CDIN1: variants seen among roughly 807,000 people sequenced by gnomAD.
CDIN1 encodes CDAN1-interacting nuclease 1.
In CDIN1, 33 loss-of-function variants were observed where a neutral mutation model predicts 45.3. The observed-to-expected ratio is 0.73, with a 90% CI of 0.55 to 0.97. The LOEUF is 0.97. Among genes scored for constraint, CDIN1 ranks in the 50% least tolerant of loss-of-function variants. The pLI is 0.00. For synonymous variants in CDIN1, 118 were observed against 124.4 expected (o/e 0.95, Z 0.34); for missense variants, 303 against 339.4 (o/e 0.89, Z 0.84).
chr15:36,670,380 AT>A (rs2041407655), intron 5 of CDIN1, among the ~76,000 whole-genome samples: 1 of 152,158 alleles, frequency 6.6e-6, no homozygotes, highest in Admixed American at 6.6e-5. Flanking sequence ...ACTCTTGTTA[AT>A]AAAGAGGCCT....
chr15:36,679,752 C>A (rs2041785840), intron 5 of CDIN1, among the ~76,000 whole-genome samples: 1 of 152,132 alleles, frequency 6.6e-6, no homozygotes. Flanking sequence ...CCAACCTTTT[C>A]AAGGAGAAGC....
chr15:36,713,643 C>T (rs552556217), intron 10 of CDIN1, among the ~76,000 whole-genome samples: 1 of 152,256 alleles, frequency 6.6e-6, no homozygotes, highest in East Asian at 1.9e-4. Flanking sequence ...AGCACTTTCA[C>T]AGTGCCTGGC....
At chr15:36,589,511 CTTTTTTTT>C (rs5811918) in intron 1 of CDIN1, among the ~76,000 whole-genome samples, 2 of 145,388 alleles carry the variant, frequency 1.4e-5, no homozygotes, top group African/African-American at 2.5e-5. Flanking sequence ...TTTCTTTTTT[CTTTTTTTT>C]TTTTGAGACG....
At chr15:36,696,684 G>T (rs2042438002) in intron 7 of CDIN1, among the ~76,000 whole-genome samples, 1 of 152,088 alleles carries the variant, frequency 6.6e-6, no homozygotes, top group Non-Finnish European at 1.5e-5. Flanking sequence ...GGGGTTATAG[G>T]CGCAAGCCAC....
intron 5 of CDIN1, among the ~76,000 whole-genome samples, chr15:36,666,208 C>T (rs560375002): frequency 8.5e-5 from 13 of 152,148 alleles, no homozygotes; most frequent in Admixed American, 7.9e-4. Flanking sequence ...AGACACAAAG[C>T]CTTTTTTTTC....
At chr15:36,584,357 C>T (rs1050328461) in intron 1 of CDIN1, among the ~76,000 whole-genome samples, 15 of 152,190 alleles carry the variant, frequency 9.9e-5, no homozygotes, top group African/African-American at 3.6e-4. Flanking sequence ...ATTGCTTAAG[C>T]CTGGGAGTTT....
At chr15:36,733,498 T>C (rs550743092) in intron 10 of CDIN1, among the ~76,000 whole-genome samples, 10 of 152,230 alleles carry the variant, frequency 6.6e-5, no homozygotes, top group African/African-American at 2.4e-4. Context: ...GTTAGCCAAA[T>C]GTATTGTATT....
intron 10 of CDIN1, among the ~76,000 whole-genome samples, chr15:36,802,897 C>T (rs991320630): frequency 6.6e-6 from 1 of 152,140 alleles, no homozygotes; most frequent in Non-Finnish European, 1.5e-5. Context: ...ATTTTTAAAA[C>T]ATTCTTGGTG....
chr15:36,803,330 G>T (rs949244263), intron 10 of CDIN1, among the ~76,000 whole-genome samples: 2 of 151,160 alleles, frequency 1.3e-5, no homozygotes, highest in Non-Finnish European at 2.9e-5. Flanking sequence ...ACTGATCCTC[G>T]GCATCAGAAA....
intron 10 of CDIN1, among the ~76,000 whole-genome samples, chr15:36,773,317 A>G (rs1595580961): frequency 6.6e-6 from 1 of 152,232 alleles, no homozygotes; most frequent in Admixed American, 6.5e-5. Context: ...TCAACAGAAC[A>G]TTCTGCAATA....
chr15:36,651,062 CA>C (rs879490804), intron 3 of CDIN1, among the ~76,000 whole-genome samples: 34 of 144,308 alleles, frequency 2.4e-4, no homozygotes, highest in Non-Finnish European at 4.3e-4. Flanking sequence ...GACTTCATCT[CA>C]AAAAAAAAAT....
intron 1 of CDIN1, among the ~76,000 whole-genome samples, chr15:36,589,771 T>C (rs1349806947): frequency 2.6e-5 from 4 of 152,246 alleles, no homozygotes; most frequent in Admixed American, 2.6e-4. Context: ...CCCAAAGTGC[T>C]GGGATTACAG....
chr15:36,710,522 C>T (rs1250151905), intron 10 of CDIN1, among the ~76,000 whole-genome samples: 2 of 152,078 alleles, frequency 1.3e-5, no homozygotes, highest in African/African-American at 4.8e-5. Context: ...TTACTTTTGT[C>T]CCCATTTTAC....
intron 1 of CDIN1, among the ~76,000 whole-genome samples, chr15:36,602,785 T>G (rs2038170061): frequency 6.6e-6 from 1 of 152,140 alleles, no homozygotes; most frequent in Non-Finnish European, 1.5e-5. Flanking sequence ...CGAGCCATCC[T>G]AGCTAACACG....
chr15:36,588,138 T>C (rs887271052), intron 1 of CDIN1, among the ~76,000 whole-genome samples: 1 of 152,204 alleles, frequency 6.6e-6, no homozygotes, highest in African/African-American at 2.4e-5. Flanking sequence ...GAACAGTTGG[T>C]TGTATGGCTG....
rs551315779 is a variant in CDIN1 at position 36,677,348 on chromosome 15, T to C, written c.347-14337T>C. 7.2e-5 allele frequency among the ~76,000 whole-genome samples: 11 copies of C among 152,214 alleles called. No homozygotes were observed. The East Asian group carries it at 1.5e-3, about 21-fold the overall frequency. On this transcript the variant is annotated intron_variant, in intron 5 of 10. Transcript: ENST00000566621. ...ATAAGAAGTCTTCTGAGGTGGGTCC[T>C]AATGAATAAAAGAAAAGGTTAAGAA...
At chr15:36,626,380 C>T (rs2039423881) in intron 1 of CDIN1, among the ~76,000 whole-genome samples, 1 of 138,870 alleles carries the variant, frequency 7.2e-6, no homozygotes, top group Non-Finnish European at 1.5e-5. Context: ...ATGGCAAATC[C>T]ATTTCTTAAA....
At chr15:36,732,364 T>C (rs2043863193) in intron 10 of CDIN1, among the ~76,000 whole-genome samples, 2 of 151,456 alleles carry the variant, frequency 1.3e-5, no homozygotes, top group Non-Finnish European at 3.0e-5. Flanking sequence ...TCCTGTTTGT[T>C]GCACCTTGAT....
chr15:36,690,750 A>G (rs1439199618), intron 5 of CDIN1, among the ~76,000 whole-genome samples: 1 of 152,180 alleles, frequency 6.6e-6, no homozygotes, highest in Non-Finnish European at 1.5e-5. Flanking sequence ...ATTTTGCTAA[A>G]TTGTGGTGAA....
Sources: gnomAD v4.1 joint callset for allele counts (sites outside exome capture counted in the v4.1 genomes callset) on GRCh38, gnomAD v4.1.1 for gene constraint, MANE v1.5 for transcripts, NCBI Gene and HGNC (gene_info 2026-07-23, HGNC 2026-07-21) for gene names.